Variants in DIP2A observed in about 807,000 individuals in gnomAD.
DIP2A encodes the protein DIP2 acetate--CoA ligase A.
A neutral mutation model predicts 177.4 loss-of-function variants in DIP2A; 85 were observed. The ratio of observed to expected loss-of-function variants is 0.48; its 90% CI spans 0.40 to 0.57. DIP2A has a LOEUF of 0.57. Ranked by LOEUF, DIP2A falls within the 20% of genes least tolerant of loss-of-function variation. The pLI, the probability that DIP2A is intolerant of heterozygous loss-of-function variation, is 0.00. For missense variants in DIP2A, 1,791 were observed against 2,100.2 expected (o/e 0.85, Z 2.88); for synonymous variants, 886 against 881.8 (o/e 1.00, Z -0.08).
chr21:46,532,043 A>T (rs187852862), intron 9 of DIP2A, 84 bp from the exon 10 acceptor site: 149 of 1,345,812 alleles, frequency 1.1e-4, no homozygotes, highest in Admixed American at 3.5e-4. Context: ...GCTTACAAAA[A>T]TTTTATTTAT....
chr21:46,467,987 G>C (rs2054991818), intron 1 of DIP2A, among the ~76,000 whole-genome samples: 1 of 151,890 alleles, frequency 6.6e-6, no homozygotes, highest in South Asian at 2.1e-4. Context: ...ATTAGGGCTG[G>C]GTGCAGTGGC....
At chr21:46,540,317 G>A (rs764539086) in intron 17 of DIP2A, among the ~76,000 whole-genome samples, 55 of 152,056 alleles carry the variant, frequency 3.6e-4, no homozygotes, top group Non-Finnish European at 3.1e-4. Flanking sequence ...GGCAGGTGTC[G>A]GTCAGCCGTG....
At chr21:46,571,586 T>A (rs992179640), downstream of DIP2A, among the ~76,000 whole-genome samples, 3 of 152,214 alleles carry the variant, frequency 2.0e-5, no homozygotes, top group African/African-American at 7.2e-5. Flanking sequence ...GTGCAGTGGT[T>A]TGTAGTTCTC....
chr21:46,478,016 G>T (rs889065975), intron 1 of DIP2A, among the ~76,000 whole-genome samples: 2 of 152,132 alleles, frequency 1.3e-5, no homozygotes, highest in Non-Finnish European at 2.9e-5. Context: ...TCCTTCCCCT[G>T]CTGCTTCGGA....
chr21:46,559,944 G>T (rs550817942), intron 32 of DIP2A, among the ~76,000 whole-genome samples: 19 of 152,310 alleles, frequency 1.2e-4, no homozygotes, highest in Admixed American at 7.8e-4. Flanking sequence ...GTGAATTCTA[G>T]ACAAACATGT....
the DIP2A span, among the ~76,000 whole-genome samples, chr21:46,581,415 C>T: frequency 6.6e-6 from 1 of 152,264 alleles, no homozygotes; most frequent in East Asian, 1.9e-4. Context: ...CAATGGAGTT[C>T]GTTATTACCC....
At chr21:46,571,061 A>C (rs902466362), downstream of DIP2A, among the ~76,000 whole-genome samples, 7 of 152,170 alleles carry the variant, frequency 4.6e-5, no homozygotes, top group African/African-American at 1.7e-4. Context: ...CCACACAGCA[A>C]GAGGTGAGTG....
chr21:46,483,685 A>G lies in DIP2A; in HGVS notation c.92-1072A>G, dbSNP rs899012683. Among the ~76,000 whole-genome samples, 9 of 152,360 alleles carry G rather than the reference A, an allele frequency of 5.9e-5. No homozygotes were observed. The East Asian group carries it at 1.7e-3, about 29-fold the overall frequency. On this transcript the variant is annotated intron_variant, in intron 1 of 37. Coordinates refer to ENST00000417564, the MANE Select transcript of DIP2A (RefSeq NM_015151.4). ...CTGTTCACACAACAAATCCTACAAT[A>G]AAAAATACATCTAAAGGAAATACTC...
intron 8 of DIP2A, among the ~76,000 whole-genome samples, chr21:46,516,303 TA>T (rs1569017489): frequency 2.0e-5 from 3 of 151,998 alleles, no homozygotes; most frequent in African/African-American, 7.2e-5. Flanking sequence ...TCTCTTACTA[TA>T]TTGCTTCTTC....
At chr21:46,577,417 G>C in the DIP2A span, among the ~76,000 whole-genome samples, 6 of 152,132 alleles carry the variant, frequency 3.9e-5, no homozygotes, top group Non-Finnish European at 8.8e-5. Flanking sequence ...TTTTTGTCAT[G>C]TTTGTCAAAG....
chr21:46,467,375 G>A (rs1019981867), intron 1 of DIP2A, among the ~76,000 whole-genome samples: 2 of 151,074 alleles, frequency 1.3e-5, no homozygotes, highest in Non-Finnish European at 2.9e-5. Flanking sequence ...TTGTTTGTTT[G>A]TTTGTTTTTT....
intron 3 of DIP2A, among the ~76,000 whole-genome samples, chr21:46,495,244 T>TTCCCTCTCTCTCTCTCTCTC (rs2057274446): frequency 2.6e-5 from 1 of 38,176 alleles, no homozygotes; most frequent in African/African-American, 1.2e-4. Flanking sequence ...CTTCTCTTCT[T>TTCCCTCTCTCTCTCTCTCTC]TCTCTCTCTC....
chr21:46,519,766 A>G (rs1360337124), intron 8 of DIP2A, among the ~76,000 whole-genome samples: 3 of 147,180 alleles, frequency 2.0e-5, no homozygotes, highest in African/African-American at 7.5e-5. Flanking sequence ...TTAAATAGGG[A>G]TTTTCATGAA....
At position 46,498,881 on chromosome 21, in the gene DIP2A, G is replaced by A. The variant is rs376953348; in HGVS notation, c.655+48G>A. ...CCCTGTGCCAGCAGAGCGGGGTCAG[G>A]AGTGTCCAGGACAGAGGAGCAGATG... On this transcript the variant is annotated intron_variant, in intron 5 of 37. Transcript: ENST00000417564. The surrounding 1 kb of genome is among the most constrained non-coding windows in gnomAD (Gnocchi z 4.3). 2 of 1,553,318 alleles carry A rather than the reference G, an allele frequency of 1.3e-6. No individual in the cohort carries two copies. The highest frequency in any genetic ancestry group is 1.9e-5 in the Admixed American group (1 of 53,210).
chr21:46,567,029 C>G (rs2060857592), intron 37 of DIP2A, among the ~76,000 whole-genome samples: 1 of 152,240 alleles, frequency 6.6e-6, no homozygotes, highest in African/African-American at 2.4e-5. Flanking sequence ...AATGCACAGG[C>G]AAAATGTAGA....
At chr21:46,492,931 C>CAA (rs112638721) in intron 3 of DIP2A, among the ~76,000 whole-genome samples, 20,643 of 134,916 alleles carry the variant, frequency 0.15, 1,627 homozygotes, top group Non-Finnish European at 0.18. Context: ...GACTCTGTCT[C>CAA]AAAAAAAAAA....
intron 1 of DIP2A, among the ~76,000 whole-genome samples, chr21:46,468,271 A>C (rs2055026487): frequency 6.6e-6 from 1 of 150,974 alleles, no homozygotes; most frequent in African/African-American, 2.4e-5. Context: ...CAAAAAAAAA[A>C]AAAAAAAAAA....
At chr21:46,479,356 A>ATG (rs2056168579) in intron 1 of DIP2A, among the ~76,000 whole-genome samples, 1 of 152,182 alleles carries the variant, frequency 6.6e-6, no homozygotes, top group Non-Finnish European at 1.5e-5. Flanking sequence ...TGGAGTTCCT[A>ATG]TGTGTGTGTA....
At chr21:46,510,188 A>G (rs2058238641) in intron 7 of DIP2A, among the ~76,000 whole-genome samples, 1 of 152,186 alleles carries the variant, frequency 6.6e-6, no homozygotes, top group African/African-American at 2.4e-5. Flanking sequence ...TTGGAATCCA[A>G]TGTTCTAGGG....
Sources: allele counts gnomAD v4.1 joint callset (sites outside exome capture counted in the v4.1 genomes callset), GRCh38; gene constraint gnomAD v4.1.1; non-coding constraint Gnocchi (gnomAD v3.1); transcripts MANE v1.5; gene names NCBI Gene and HGNC (gene_info 2026-07-23, HGNC 2026-07-21).